The following KIF16B variants were observed in gnomAD, a reference collection of about 807,000 sequenced individuals.
KIF16B encodes the protein kinesin-like protein KIF16B.
Under a neutral mutation model 156.3 loss-of-function variants are expected in KIF16B, and 98 were observed. The ratio of observed to expected loss-of-function variants is 0.63; its 90% confidence interval spans 0.53 to 0.74. The LOEUF (loss-of-function observed/expected upper bound fraction) is 0.74, where lower values mean the gene tolerates loss of function less well. KIF16B is among the 30% of genes least tolerant of loss of function. The probability of loss-of-function intolerance (pLI) is 0.00; values close to 1 mark genes in which losing one functional copy is unlikely to be tolerated. For synonymous variants in KIF16B, 564 were observed against 583.7 expected, an observed-to-expected ratio of 0.97 and a Z score of 0.49; for missense variants, 1,421 against 1,606.5, an observed-to-expected ratio of 0.88 and a Z score of 1.97.
intron 1 of KIF16B, among the ~76,000 whole-genome samples, chr20:16,545,309 T>A (rs1437529027): frequency 6.6e-6 from 1 of 151,642 alleles, no homozygotes; most frequent in Non-Finnish European, 1.5e-5. Context: ...GACAGGCAGA[T>A]CACTTGAGTC....
At chr20:16,321,763 A>G (rs2063776111) in intron 24 of KIF16B, among the ~76,000 whole-genome samples, 1 of 152,080 alleles carries the variant, frequency 6.6e-6, no homozygotes, top group South Asian at 2.1e-4. Flanking sequence ...GAGGTTGTAG[A>G]ACAGAAAAAG....
At chr20:16,529,063 G>GGA (rs1161954574) in intron 1 of KIF16B, among the ~76,000 whole-genome samples, 2 of 152,056 alleles carry the variant, frequency 1.3e-5, no homozygotes, top group Non-Finnish European at 2.9e-5. Flanking sequence ...GTGGCCACTG[G>GGA]GATATACTGG....
chr20:16,340,436 A>C (rs1438769952), intron 23 of KIF16B, among the ~76,000 whole-genome samples: 1 of 152,218 alleles, frequency 6.6e-6, no homozygotes, highest in Admixed American at 6.5e-5. Flanking sequence ...CTAGAATGTA[A>C]GCTCTAAGGA....
intron 1 of KIF16B, among the ~76,000 whole-genome samples, chr20:16,571,764 G>T (rs2071462961): frequency 6.6e-6 from 1 of 151,878 alleles, no homozygotes; most frequent in Admixed American, 6.6e-5. Flanking sequence ...CGAGTAGCTG[G>T]GACTACAGGC....
intron 15 of KIF16B, among the ~76,000 whole-genome samples, chr20:16,417,412 T>C (rs1387440423): frequency 6.6e-6 from 1 of 152,118 alleles, no homozygotes; most frequent in Non-Finnish European, 1.5e-5. Context: ...GATGGTAACT[T>C]ATGGCCTACA....
chr20:16,361,468 A>G (rs141514248), intron 22 of KIF16B, among the ~76,000 whole-genome samples: 1 of 152,342 alleles, frequency 6.6e-6, no homozygotes, highest in East Asian at 1.9e-4. Context: ...TCTTGTCTTA[A>G]TTAACACTAC....
intron 1 of KIF16B, among the ~76,000 whole-genome samples, chr20:16,538,522 T>C (rs956692488): frequency 6.6e-6 from 1 of 152,008 alleles, no homozygotes; most frequent in Admixed American, 6.6e-5. Flanking sequence ...ATTTGAAAGG[T>C]CTGGAAACTA....
chr20:16,557,501 A>T (rs2070894020), intron 1 of KIF16B, among the ~76,000 whole-genome samples: 1 of 152,088 alleles, frequency 6.6e-6, no homozygotes, highest in East Asian at 1.9e-4. Context: ...TTTTATGTAT[A>T]ATCTACCCCA....
At chr20:16,440,907 G>A (rs1294886230) in intron 12 of KIF16B, among the ~76,000 whole-genome samples, 2 of 152,178 alleles carry the variant, frequency 1.3e-5, no homozygotes, top group East Asian at 1.9e-4. Flanking sequence ...TCCGCTGGCT[G>A]AGCAAATCAT....
intron 3 of KIF16B, among the ~76,000 whole-genome samples, chr20:16,525,683 A>T (rs1347622069): frequency 1.3e-5 from 2 of 152,202 alleles, no homozygotes; most frequent in Non-Finnish European, 2.9e-5. Flanking sequence ...CAACCTGGGA[A>T]CACATGACTT....
chr20:16,468,575 CAAAAAAAAAAA>C (rs550510241), intron 12 of KIF16B, among the ~76,000 whole-genome samples: 12 of 35,852 alleles, frequency 3.3e-4, no homozygotes, highest in Non-Finnish European at 4.2e-4. Flanking sequence ...GACTCCGTCT[CAAAAAAAAAAA>C]AAAAAAAAAA....
In KIF16B at chr20:16,380,080, CG is replaced by C; in HGVS notation, c.1921del (p.Arg641AlafsTer29). 1.3e-6 allele frequency: 2 copies of C among 1,542,082 alleles called. No homozygotes were observed. The highest frequency in any genetic ancestry group is 1.7e-6 in the Non-Finnish European group (2 of 1,149,566). On this transcript the variant is annotated frameshift_variant, in exon 19 of 26. Coordinates refer to ENST00000354981, the MANE Select transcript of KIF16B (RefSeq NM_024704.5). LOFTEE classifies it high-confidence loss of function. Reference protein sequence around the residue: ...ERMQQEVETQRKETEIVQLQI... With the variant: ...ERMQQEVETQXKETEIVQLQI... ...GAGCTGCACGATTTCTGTCTCCTTG[CG>C]CTGGGTCTCCACCTCCTGCTGCATC...
chr20:16,389,392 C>T (rs2065308386), intron 17 of KIF16B, among the ~76,000 whole-genome samples: 1 of 152,196 alleles, frequency 6.6e-6, no homozygotes, highest in Non-Finnish European at 1.5e-5. Context: ...TTTGAAAGAA[C>T]TCCTGGCCTT....
intron 25 of KIF16B, among the ~76,000 whole-genome samples, chr20:16,274,986 T>C (rs2063039084): frequency 1.3e-5 from 2 of 152,198 alleles, no homozygotes; most frequent in African/African-American, 4.8e-5. Context: ...ATAACTTAGT[T>C]TCTAAAAATC....
At chr20:16,364,849 T>C (rs1251465947) in intron 22 of KIF16B, among the ~76,000 whole-genome samples, 1 of 152,224 alleles carries the variant, frequency 6.6e-6, no homozygotes, top group African/African-American at 2.4e-5. Context: ...GAAGTTATAA[T>C]GAGTGATATG....
intron 12 of KIF16B, among the ~76,000 whole-genome samples, chr20:16,466,697 A>G (rs886990684): frequency 1.3e-5 from 2 of 152,206 alleles, no homozygotes; most frequent in Admixed American, 1.3e-4. Context: ...TCTTGAGTAT[A>G]TCTTTATTAG....
At chr20:16,409,979 A>ATGTACG (rs1555877421) in intron 15 of KIF16B, among the ~76,000 whole-genome samples, 1 of 71,084 alleles carries the variant, frequency 1.4e-5, no homozygotes, top group Admixed American at 1.6e-4. Flanking sequence ...ACATATATAT[A>ATGTACG]TATATATATA....
intron 15 of KIF16B, among the ~76,000 whole-genome samples, chr20:16,423,905 T>C (rs908398675): frequency 8.5e-5 from 13 of 152,050 alleles, no homozygotes; most frequent in Non-Finnish European, 1.0e-4. Flanking sequence ...CTGTCAGCAC[T>C]AGAGCCTGTG....
chr20:16,295,700 G>A (rs1017406123), intron 25 of KIF16B, among the ~76,000 whole-genome samples: 2 of 152,130 alleles, frequency 1.3e-5, no homozygotes, highest in East Asian at 3.8e-4. Flanking sequence ...ATGGTGGCAG[G>A]AAGGGACTAT....
Sources: gnomAD v4.1 joint callset for allele counts (sites outside exome capture counted in the v4.1 genomes callset) on GRCh38, gnomAD v4.1.1 for gene constraint, MANE v1.5 for transcripts, NCBI Gene and HGNC (gene_info 2026-07-23, HGNC 2026-07-21) for gene names.